The following FCHSD2 variants were observed in gnomAD, a reference collection of about 807,000 sequenced individuals.
FCHSD2 encodes F-BAR and double SH3 domains protein 2.
Under a neutral mutation model 108.1 loss-of-function variants are expected in FCHSD2, and 38 were observed. The observed-to-expected ratio is 0.35, with a 90% confidence interval of 0.27 to 0.46. The LOEUF is 0.46. FCHSD2 is among the 20% of genes least tolerant of loss of function. FCHSD2 has a pLI of 1.00. For synonymous variants in FCHSD2, 279 were observed against 314.7 expected, an observed-to-expected ratio of 0.89 and a Z score of 1.20; for missense variants, 751 against 897.8, an observed-to-expected ratio of 0.84 and a Z score of 2.09.
At chr11:73,031,406 G>A (rs1440545456) in intron 3 of FCHSD2, among the ~76,000 whole-genome samples, 2 of 151,922 alleles carry the variant, frequency 1.3e-5, no homozygotes, top group Non-Finnish European at 2.9e-5. Context: ...AGGGCGGGAG[G>A]TGGAGGCTGC....
chr11:73,063,263 T>G (rs1269585188), intron 3 of FCHSD2, among the ~76,000 whole-genome samples: 1 of 152,176 alleles, frequency 6.6e-6, no homozygotes, highest in Non-Finnish European at 1.5e-5. Context: ...CCACCAGGCC[T>G]GCCTTTGAAG....
intron 4 of FCHSD2, among the ~76,000 whole-genome samples, chr11:73,004,609 C>T (rs749900333): frequency 6.6e-6 from 1 of 152,110 alleles, no homozygotes; most frequent in Non-Finnish European, 1.5e-5. Flanking sequence ...TTATGTATGC[C>T]CTTTTTACCC....
intron 8 of FCHSD2, among the ~76,000 whole-genome samples, chr11:72,967,154 C>T (rs1200179463): frequency 4.0e-5 from 6 of 150,314 alleles, no homozygotes; most frequent in Non-Finnish European, 7.4e-5. Context: ...GAGCTGAGAT[C>T]GCGCCACTGC....
At chr11:73,053,105 C>A (rs1490860451) in intron 3 of FCHSD2, among the ~76,000 whole-genome samples, 2 of 150,176 alleles carry the variant, frequency 1.3e-5, no homozygotes, top group Admixed American at 1.3e-4. Context: ...CTCAGCCTCC[C>A]AAAGTGCTGG....
rs114764446 is a variant in FCHSD2, at chr11:73,093,238, C to T, written c.120-9498G>A. On this transcript the variant is annotated intron_variant, in intron 2 of 19. Transcript: ENST00000409418. ...CTGACTGGAACTCTCTTAGACCCTGCCCTGTACACCTCTTCCCTTGGCTGA... is the reference window on the plus strand; with the variant it reads ...CTGACTGGAACTCTCTTAGACCCTGTCCTGTACACCTCTTCCCTTGGCTGA... Among the ~76,000 whole-genome samples, 370 of 152,306 alleles carry T rather than the reference C, an allele frequency of 2.4e-3. 3 individuals carry two copies. The highest frequency in any genetic ancestry group is 8.5e-3 in the African/African-American group (352 of 41,542).
At chr11:73,108,925 T>C (rs979325613) in intron 2 of FCHSD2, among the ~76,000 whole-genome samples, 1 of 152,226 alleles carries the variant, frequency 6.6e-6, no homozygotes, top group Non-Finnish European at 1.5e-5. Context: ...GCAAGAGACA[T>C]GGGTCTGGTT....
At chr11:73,041,783 TCA>T (rs1427641847) in intron 3 of FCHSD2, among the ~76,000 whole-genome samples, 1 of 152,166 alleles carries the variant, frequency 6.6e-6, no homozygotes, top group Non-Finnish European at 1.5e-5. Flanking sequence ...TTTGGTTTGT[TCA>T]CAGTTTTGTG....
chr11:72,850,571 T>C (rs1300331489), intron 13 of FCHSD2, among the ~76,000 whole-genome samples: 1 of 151,340 alleles, frequency 6.6e-6, no homozygotes, highest in Non-Finnish European at 1.5e-5. Flanking sequence ...GCCACGATGG[T>C]CTCGATCTCC....
chr11:72,849,916 A>G, intron 13 of FCHSD2, 27 bp from the exon 14 acceptor site: 1 of 1,591,536 alleles, frequency 6.3e-7, no homozygotes, highest in East Asian at 2.2e-5. Context: ...ACCATTGGCT[A>G]GTTTCCTTAC....
intron 2 of FCHSD2, among the ~76,000 whole-genome samples, chr11:73,121,507 T>A (rs1475169994): frequency 6.6e-6 from 1 of 152,190 alleles, no homozygotes; most frequent in Non-Finnish European, 1.5e-5. Flanking sequence ...GTGCTTAAGT[T>A]CCCTCACCTA....
At chr11:72,928,595 T>C (rs1320494555) in intron 8 of FCHSD2, among the ~76,000 whole-genome samples, 1 of 152,222 alleles carries the variant, frequency 6.6e-6, no homozygotes, top group African/African-American at 2.4e-5. Flanking sequence ...CTGACTCAAC[T>C]AGCTCTTCCT....
chr11:72,919,015 G>A (rs1244906349), intron 9 of FCHSD2, among the ~76,000 whole-genome samples: 4 of 152,094 alleles, frequency 2.6e-5, no homozygotes, highest in Non-Finnish European at 5.9e-5. Context: ...CCATTTAGGG[G>A]ATGAATGATA....
At chr11:73,049,652 T>C (rs999128282) in intron 3 of FCHSD2, among the ~76,000 whole-genome samples, 1 of 140,110 alleles carries the variant, frequency 7.1e-6, no homozygotes, top group Admixed American at 7.4e-5. Context: ...ACCTGCACAA[T>C]GTGCACATGT....
At chr11:73,032,690 A>G (rs968344531) in intron 3 of FCHSD2, among the ~76,000 whole-genome samples, 1 of 152,146 alleles carries the variant, frequency 6.6e-6, no homozygotes, top group Non-Finnish European at 1.5e-5. Context: ...AGATCGAGTC[A>G]GGGAAGGCTT....
intron 2 of FCHSD2, 138 bp from the exon 3 acceptor site, chr11:73,083,878 G>T: frequency 1.5e-6 from 1 of 653,324 alleles, no homozygotes; most frequent in South Asian, 1.8e-5. Flanking sequence ...TATGTGCTTA[G>T]GAATACTGCT....
chr11:73,029,305 T>C (rs1163207006), intron 3 of FCHSD2, among the ~76,000 whole-genome samples: 1 of 152,222 alleles, frequency 6.6e-6, no homozygotes, highest in Non-Finnish European at 1.5e-5. Flanking sequence ...CCAGGAATCT[T>C]GTCTCCCAAC....
chr11:73,113,047 A>G (rs1418767376), intron 2 of FCHSD2, among the ~76,000 whole-genome samples: 1 of 151,940 alleles, frequency 6.6e-6, no homozygotes, highest in East Asian at 1.9e-4. Flanking sequence ...TTCTCTGTGC[A>G]TTTCCAAAGA....
chr11:73,092,225 T>C (rs1405245586), intron 2 of FCHSD2, among the ~76,000 whole-genome samples: 1 of 152,092 alleles, frequency 6.6e-6, no homozygotes, highest in Non-Finnish European at 1.5e-5. Flanking sequence ...ACTCATGAGA[T>C]GAAGTCATCC....
chr11:72,891,599 A>C (rs1364024130), intron 10 of FCHSD2, among the ~76,000 whole-genome samples: 1 of 152,276 alleles, frequency 6.6e-6, no homozygotes, highest in African/African-American at 2.4e-5. Flanking sequence ...CTCTGGACAC[A>C]GATACAAATG....
Sources: allele counts gnomAD v4.1 joint callset (sites outside exome capture counted in the v4.1 genomes callset), GRCh38; gene constraint gnomAD v4.1.1; transcripts MANE v1.5; gene names NCBI Gene and HGNC (gene_info 2026-07-23, HGNC 2026-07-21).